Variants in SYNE1 observed in about 807,000 individuals in gnomAD.
The protein encoded by SYNE1 is nesprin-1.
Under a neutral mutation model 1,111.0 loss-of-function variants are expected in SYNE1, and 616 were observed. The ratio of observed to expected loss-of-function variants is 0.55; its 90% confidence interval spans 0.52 to 0.59. The LOEUF (loss-of-function observed/expected upper bound fraction) is 0.59. SYNE1 is among the 20% of genes least tolerant of loss of function. The pLI is 0.00. For synonymous variants in SYNE1, 3,855 were observed against 3,825.8 expected (o/e 1.01, Z -0.28); for missense variants, 10,006 against 10,417.0 (o/e 0.96, Z 1.72).
At chr6:152,609,714 C>T (rs775214811) in intron 3 of SYNE1, among the ~76,000 whole-genome samples, 3 of 152,158 alleles carry the variant, frequency 2.0e-5, no homozygotes, top group Admixed American at 2.0e-4. Context: ...GATACACCTC[C>T]CAGTAGGGGC....
intron 3 of SYNE1, among the ~76,000 whole-genome samples, chr6:152,576,311 G>A (rs1355077553): frequency 3.3e-5 from 5 of 152,144 alleles, no homozygotes; most frequent in African/African-American, 1.2e-4. Context: ...CTAGCACATA[G>A]CACAGTCTTG....
chr6:152,583,630 T>G (rs544787645), intron 3 of SYNE1, among the ~76,000 whole-genome samples: 1 of 152,178 alleles, frequency 6.6e-6, no homozygotes, highest in Non-Finnish European at 1.5e-5. Context: ...GTTCCAGAAT[T>G]TCTCCTACCT....
intron 40 of SYNE1, among the ~76,000 whole-genome samples, chr6:152,417,433 G>T (rs2098176675): frequency 6.6e-6 from 1 of 152,138 alleles, no homozygotes; most frequent in Non-Finnish European, 1.5e-5. Context: ...GGGAGGCGGA[G>T]CTTGCAGTGA....
chr6:152,398,059 G>A (rs932085613), intron 49 of SYNE1, among the ~76,000 whole-genome samples: 7 of 151,512 alleles, frequency 4.6e-5, no homozygotes, highest in Admixed American at 3.9e-4. Context: ...TGCTTTACTC[G>A]GATTAGCTGC....
Position 152,526,065 on chromosome 6 carries a change from CA to C in SYNE1, c.225+14del, listed in dbSNP as rs767113194. ...AAACAATTTGACAAGTATGATCACA[CA>C]AAAAAATTCTTACCAGTTTCTGCCC... is the stretch of plus-strand genomic sequence containing the variant. On this transcript the variant is annotated intron_variant, in intron 5 of 145. Coordinates refer to ENST00000367255, the MANE Select transcript of SYNE1 (RefSeq NM_182961.4). The C allele has an allele frequency of 1.2e-6, 2 of 1,612,116 alleles. No individual in the cohort carries two copies. The highest frequency in any genetic ancestry group is 1.7e-6 in the Non-Finnish European group (2 of 1,178,390).
chr6:152,136,798 G>T lies in SYNE1; in HGVS notation c.25479C>A (p.Asp8493Glu), dbSNP rs745583834. Residue 8493 changes from aspartate to glutamate, a missense_variant, in exon 141 of 146, where the codon GAC becomes GAA. Physicochemically the swap from Asp to Glu is conservative, Grantham distance 45. This residue lies in a region of SYNE1 where 761 missense variants were observed against 795.5 expected (regional missense o/e 0.96). Transcript: ENST00000367255. ...TGGAGAGGATGATGGCTTTGCGGTGGTCCACAGCTTTCTGGAGCTCCTGAA... is the reference window on the plus strand; with the variant it reads ...TGGAGAGGATGATGGCTTTGCGGTGTTCCACAGCTTTCTGGAGCTCCTGAA... ...KKLKELQKAV[D>E]HRKAIILSIN... The T allele has an allele frequency of 1.9e-6, 3 of 1,614,156 alleles. No individual in the cohort carries two copies. The highest frequency in any genetic ancestry group is 2.5e-6 in the Non-Finnish European group (3 of 1,180,042).
At chr6:152,410,660 G>T (rs1359017601) in intron 42 of SYNE1, among the ~76,000 whole-genome samples, 1 of 152,170 alleles carries the variant, frequency 6.6e-6, no homozygotes, top group Non-Finnish European at 1.5e-5. Context: ...GAACTCGGGT[G>T]GTAGAGGTTG....
intron 52 of SYNE1, among the ~76,000 whole-genome samples, chr6:152,390,898 C>T (rs897466656): frequency 2.0e-5 from 3 of 152,144 alleles, no homozygotes; most frequent in African/African-American, 7.2e-5. Context: ...ATGGCCCCTA[C>T]ACACGGACTG....
At chr6:152,629,379 G>GT (rs1565297923) in intron 2 of SYNE1, among the ~76,000 whole-genome samples, 1 of 151,432 alleles carries the variant, frequency 6.6e-6, no homozygotes, top group Non-Finnish European at 1.5e-5. Context: ...TAATTTTTGT[G>GT]TTTTTTAGTA....
rs538407539 is a variant in SYNE1 at position 152,136,652 on chromosome 6, C to T, written c.25625G>A (p.Arg8542Gln). 2.3e-5 allele frequency: 37 copies of T among 1,614,018 alleles called. No individual in the cohort carries two copies. The highest frequency in any genetic ancestry group is 1.5e-4 in the African/African-American group (11 of 75,030). ...DRVCSLLEEW[R>Q]GLLQDALMQC... ...CATCAGGGCATCCTGCAGCAGGCCC[C>T]GCCACTCCTCCAGCAGAGAGCACAC... is the stretch of plus-strand genomic sequence containing the variant. The change falls in exon 141 of 146, where the codon CGG becomes CAG. Residue 8542 changes from arginine to glutamine, a missense_variant. Coordinates refer to ENST00000367255, the MANE Select transcript of SYNE1 (RefSeq NM_182961.4).
Position 152,329,759 on chromosome 6 carries a change from C to T in SYNE1, c.14926G>A (p.Asp4976Asn), listed in dbSNP as rs1180943698. ...SLAELSELDG[D>N]IQEALRTRQA... ...CTGGTGCGTAAGGCTTCCTGGATGT[C>T]TCCATCCAGCTCTGAGAGCTCAGCG... The change falls in exon 78 of 146, where the codon GAC becomes AAC. Residue 4976 changes from aspartate (D) to asparagine (N), a missense_variant. Physicochemically the swap from Asp to Asn is conservative, Grantham distance 23. Coordinates refer to ENST00000367255, the MANE Select transcript of SYNE1 (RefSeq NM_182961.4). 6 of 1,614,200 alleles carry T rather than the reference C, an allele frequency of 3.7e-6. No homozygotes were observed. The highest frequency in any genetic ancestry group is 5.1e-6 in the Non-Finnish European group (6 of 1,180,018).
rs544091592 is a variant in SYNE1 at position 152,515,430 on chromosome 6, A to C, written c.310-4327T>G. 2.6e-5 allele frequency among the ~76,000 whole-genome samples: 4 copies of C among 152,300 alleles called. No individual in the cohort carries two copies. The East Asian group carries it at 7.7e-4, about 29-fold the overall frequency. ...TTCTCAACAATAATGCAAGTAGTCAACTGCCTGCCTTATTTAATACACAAT... is the reference window on the plus strand; with the variant it reads ...TTCTCAACAATAATGCAAGTAGTCACCTGCCTGCCTTATTTAATACACAAT... On this transcript the variant is annotated intron_variant, in intron 6 of 145. Coordinates refer to ENST00000367255, the MANE Select transcript of SYNE1 (RefSeq NM_182961.4).
At chr6:152,393,339 C>G (rs573010233) in intron 51 of SYNE1, among the ~76,000 whole-genome samples, 1 of 152,064 alleles carries the variant, frequency 6.6e-6, no homozygotes, top group South Asian at 2.1e-4. Context: ...TATGGAAAAC[C>G]ATTTAAAACA....
intron 4 of SYNE1, among the ~76,000 whole-genome samples, chr6:152,534,165 T>A (rs2099220698): frequency 6.8e-6 from 1 of 146,034 alleles, no homozygotes; most frequent in East Asian, 2.0e-4. Context: ...CTCAAAAAAA[T>A]AAATAAATGA....
intron 60 of SYNE1, 170 bp downstream of exon 60, chr6:152,369,301 T>C (rs776816433): frequency 3.7e-6 from 5 of 1,355,846 alleles, no homozygotes; most frequent in South Asian, 2.5e-5. Flanking sequence ...AAACAAATCA[T>C]ACTTCCAAGG....
chr6:152,401,111 A>C, intron 47 of SYNE1, 27 bp downstream of exon 47: 1 of 1,604,260 alleles, frequency 6.2e-7, no homozygotes, highest in Non-Finnish European at 8.5e-7. Flanking sequence ...TTTGAATGGA[A>C]GCACTTAATG....
chr6:152,522,866 A>G (rs1296947078), intron 5 of SYNE1, among the ~76,000 whole-genome samples: 1 of 151,800 alleles, frequency 6.6e-6, no homozygotes, highest in Non-Finnish European at 1.5e-5. Context: ...AGAAATATCT[A>G]TTCATGTCAT....
chr6:152,474,870 G>C (rs1440556983), intron 14 of SYNE1, among the ~76,000 whole-genome samples: 1 of 151,888 alleles, frequency 6.6e-6, no homozygotes, highest in East Asian at 1.9e-4. Context: ...AGAAAAATGA[G>C]GAAGGAGACA....
intron 65 of SYNE1, 119 bp downstream of exon 65, chr6:152,359,195 AT>A (rs1391105793): frequency 7.1e-7 from 1 of 1,407,132 alleles, no homozygotes; most frequent in Non-Finnish European, 1.0e-6. Context: ...TTAAAAATTC[AT>A]TTTGCTTTTG....
Sources: allele counts gnomAD v4.1 joint callset (sites outside exome capture counted in the v4.1 genomes callset), GRCh38; gene constraint gnomAD v4.1.1; regional missense constraint gnomAD v4.1.1; transcripts MANE v1.5; gene names NCBI Gene and HGNC (gene_info 2026-07-23, HGNC 2026-07-21).